Variants in USP14 observed in about 807,000 individuals in gnomAD.
USP14 encodes the protein ubiquitin carboxyl-terminal hydrolase 14.
USP14 carries 38 observed loss-of-function variants against 76.5 expected under a neutral mutation model. That is an observed-to-expected ratio of 0.50 (90% CI 0.38 to 0.65). The LOEUF is 0.65. USP14 is among the 30% of genes least tolerant of loss of function. The pLI is 0.00. For synonymous variants in USP14, 192 were observed against 191.7 expected (o/e 1.00, Z -0.01); for missense variants, 467 against 586.5 (o/e 0.80, Z 2.10).
chr18:206,588 A>T (rs1329319478), intron 13 of USP14, among the ~76,000 whole-genome samples: 1 of 151,932 alleles, frequency 6.6e-6, no homozygotes, highest in East Asian at 1.9e-4. Context: ...TGCTTGTGCT[A>T]TTGGTGTCAT....
At chr18:167,658 AC>A (rs1909312828) in intron 3 of USP14, among the ~76,000 whole-genome samples, 1 of 151,854 alleles carries the variant, frequency 6.6e-6, no homozygotes, top group Non-Finnish European at 1.5e-5. Context: ...GGCGGGTGTT[AC>A]CATGCCCAGT....
chr18:197,955 T>TA (rs1355758808), intron 8 of USP14, 92 bp from the exon 9 acceptor site: 8 of 1,139,146 alleles, frequency 7.0e-6, no homozygotes, highest in African/African-American at 6.3e-5. Context: ...ACTACATTTT[T>TA]AAAAAAATAT....
intron 13 of USP14, among the ~76,000 whole-genome samples, chr18:206,558 A>T (rs938507545): frequency 2.0e-5 from 3 of 152,164 alleles, no homozygotes; most frequent in South Asian, 2.1e-4. Flanking sequence ...TATGAAATCC[A>T]GTCTATTTTT....
chr18:197,575 C>A, intron 7 of USP14, 41 bp from the exon 8 acceptor site: 2 of 1,498,758 alleles, frequency 1.3e-6, no homozygotes, highest in South Asian at 2.3e-5. Context: ...GTAGATCATT[C>A]ACTGCCAGGA....
rs778054390 is a variant in USP14 at position 192,824 on chromosome 18, C to T, written c.405-18C>T. 191 of 1,612,472 alleles carry T rather than the reference C, an allele frequency of 1.2e-4. 1 individual carries two copies. The South Asian group carries it at 1.9e-3, about 16-fold the overall frequency. On this transcript the variant is annotated intron_variant, in intron 5 of 15. Coordinates refer to ENST00000261601, the MANE Select transcript of USP14 (RefSeq NM_005151.4). ...ATGAATTGAATTCTATTGTTTAACT[C>T]GGCTTTAATGTTCCTAGGTATGCAG... is the stretch of plus-strand genomic sequence containing the variant.
At chr18:165,242 C>T (rs571733465) in intron 2 of USP14, among the ~76,000 whole-genome samples, 74 of 152,260 alleles carry the variant, frequency 4.9e-4, no homozygotes, top group African/African-American at 1.6e-3. Flanking sequence ...CCACCACACC[C>T]GGCCTCTATT....
intron 9 of USP14, 60 bp downstream of exon 9, chr18:198,192 G>A: frequency 7.2e-7 from 1 of 1,387,148 alleles, no homozygotes. Context: ...GGCATAAATA[G>A]CATCATTGGC....
intron 13 of USP14, among the ~76,000 whole-genome samples, chr18:204,904 CTTTT>C (rs775473299): frequency 6.9e-6 from 1 of 144,256 alleles, no homozygotes; most frequent in Non-Finnish European, 1.5e-5. Context: ...TTTTATTTTC[CTTTT>C]TTTTTTTTTG....
intron 2 of USP14, 36 bp from the exon 3 acceptor site, chr18:166,751 T>C: frequency 6.2e-7 from 1 of 1,603,260 alleles, no homozygotes; most frequent in Non-Finnish European, 8.5e-7. Context: ...GCTTGTACAG[T>C]GGTGGTTAAA....
intron 1 of USP14, among the ~76,000 whole-genome samples, chr18:160,900 A>G (rs573622927): frequency 9.2e-5 from 14 of 152,270 alleles, no homozygotes; most frequent in African/African-American, 3.1e-4. Context: ...CATTGCCTAC[A>G]ACATAAAGCC....
rs1266871442 is a variant in USP14 at position 185,074 on chromosome 18, T to C, written c.404+4735T>C. Among the ~76,000 whole-genome samples, 3 of 152,224 alleles carry C rather than the reference T, an allele frequency of 2.0e-5. 1 individual carries two copies. In the East Asian group the frequency reaches 5.8e-4, roughly 29 times the overall value. ...TATCACATGGCCGTATCTGTTGTAT[T>C]GGAGACTGGCAAGCCCCAGCTCTCA... On this transcript the variant is annotated intron_variant, in intron 5 of 15. Coordinates refer to ENST00000261601, the MANE Select transcript of USP14 (RefSeq NM_005151.4).
At chr18:181,814 A>G (rs893536173) in intron 5 of USP14, among the ~76,000 whole-genome samples, 2 of 152,094 alleles carry the variant, frequency 1.3e-5, no homozygotes, top group African/African-American at 4.8e-5. Flanking sequence ...ATTCTAGGTT[A>G]CAAAGACTTA....
intron 5 of USP14, among the ~76,000 whole-genome samples, chr18:180,608 C>T (rs1909760055): frequency 6.6e-6 from 1 of 152,196 alleles, no homozygotes; most frequent in South Asian, 2.1e-4. Context: ...CTAGCCCTAG[C>T]CAACCGTTCA....
chr18:203,151 T>G lies in USP14; in HGVS notation c.996T>G (p.Phe332Leu). The change falls in exon 12 of 16, where the codon TTT becomes TTG. Residue 332 changes from phenylalanine (F) to leucine (L), a missense_variant. Transcript: ENST00000261601. ...AYLTIQMVRF[F>L]YKEKESVNAK... The stretch of plus-strand genomic sequence containing the variant: ...TGACCATTCAGATGGTTCGATTTTT[T>G]TATAAAGAGAAGGAATCTGTGAATG... 6.2e-7 allele frequency: 1 copy of G among 1,614,134 alleles called. No homozygotes were observed. The highest frequency in any genetic ancestry group is 2.2e-5 in the East Asian group (1 of 44,866).
At chr18:166,316 C>T (rs947356626) in intron 2 of USP14, among the ~76,000 whole-genome samples, 4 of 152,066 alleles carry the variant, frequency 2.6e-5, no homozygotes, top group African/African-American at 9.7e-5. Context: ...GGCTTTAGTA[C>T]CACTTGTGTT....
At position 158,721 on chromosome 18, in the gene USP14, C is replaced by T; in HGVS notation, c.16+7C>T. ...GCCATGCCGCTCTACTCCGGTGAGC[C>T]CTGTCCTGGCCTCGCGCGCAGCACA... On this transcript the variant is annotated splice_region_variant and intron_variant, in intron 1 of 15. Transcript: ENST00000261601. 7 of 1,512,166 alleles carry T rather than the reference C, an allele frequency of 4.6e-6. No homozygotes were observed. The highest frequency in any genetic ancestry group is 6.1e-6 in the Non-Finnish European group (7 of 1,139,240). The allele number at this position is 1,512,166 out of a possible 1,614,324, so 93.7% of individuals were successfully genotyped here.
chr18:205,906 T>G (rs1490318194), intron 13 of USP14, among the ~76,000 whole-genome samples: 1 of 152,258 alleles, frequency 6.6e-6, no homozygotes, highest in Non-Finnish European at 1.5e-5. Flanking sequence ...TCCATTTCAT[T>G]GCTGATCAGT....
In USP14 at chr18:199,287, G is replaced by A. The variant is rs749978967; in HGVS notation, c.847G>A (p.Val283Ile). Residue 283 changes from valine (V) to isoleucine (I), a missense_variant, in exon 10 of 16, where the codon GTC becomes ATC. Physicochemically the swap from Val to Ile is conservative, Grantham distance 29. Transcript: ENST00000261601. ...LQLSCFINQEVKYLFTGLKLR... is the reference protein window; with the variant it reads ...LQLSCFINQEIKYLFTGLKLR... ...GCTTAGCTGTTTTATCAATCAGGAA[G>A]TCAAGTATCTTTTTACAGGACTTAA... is the stretch of plus-strand genomic sequence containing the variant. 6.2e-7 allele frequency: 1 copy of A among 1,613,686 alleles called. No homozygotes were observed. The highest frequency in any genetic ancestry group is 1.1e-5 in the South Asian group (1 of 91,046).
At chr18:172,830 G>A (rs1478794680) in intron 3 of USP14, among the ~76,000 whole-genome samples, 1 of 152,114 alleles carries the variant, frequency 6.6e-6, no homozygotes, top group Non-Finnish European at 1.5e-5. Context: ...TGCACTGGGG[G>A]AAAATTTTTG....
Sources: allele counts gnomAD v4.1 joint callset (sites outside exome capture counted in the v4.1 genomes callset), GRCh38; gene constraint gnomAD v4.1.1; transcripts MANE v1.5; gene names NCBI Gene and HGNC (gene_info 2026-07-23, HGNC 2026-07-21).